TIMM23B: variants seen among roughly 807,000 people sequenced by gnomAD.
The protein encoded by TIMM23B is mitochondrial import inner membrane translocase subunit Tim23B.
TIMM23B carries 27 observed loss-of-function variants against 27.3 expected under a neutral mutation model. The observed-to-expected ratio is 0.99, with a 90% CI of 0.73 to 1.36. The LOEUF (loss-of-function observed/expected upper bound fraction) is 1.36, where lower values mean the gene tolerates loss of function less well. Among genes scored for constraint, TIMM23B ranks in the 40% most tolerant of loss-of-function variants. The pLI is 0.00. For missense variants in TIMM23B, 205 were observed against 244.2 expected (o/e 0.84, Z 1.07); for synonymous variants, 73 against 92.4 (o/e 0.79, Z 1.21).
At chr10:49,964,123 A>T (rs1156822835) in intron 6 of TIMM23B, among the ~76,000 whole-genome samples, 2 of 151,720 alleles carry the variant, frequency 1.3e-5, no homozygotes, top group South Asian at 2.1e-4. Flanking sequence ...GAAATGAAGA[A>T]ATATGAAATG....
Position 49,952,462 on chromosome 10 carries a change from G to T in TIMM23B, c.273G>T (p.Gly91=). The T allele has an allele frequency of 2.5e-6, 4 of 1,613,290 alleles. No homozygotes were observed. The highest frequency in any genetic ancestry group is 2.5e-6 in the Non-Finnish European group (3 of 1,179,512). ...ATGATTTACCAGGGGCTGCGTTTGG[G>T]GCAATGAATGGTCTTCGGCTAGGAT... The part of the protein sequence containing the change: ...GGCCMTGAAF[G]AMNGLRLGLK... Residue 91 remains glycine (G), a synonymous_variant, in exon 4 of 7, where the codon GGG becomes GGT. Transcript: ENST00000651259.
At chr10:49,948,570 A>C (rs1260250969) in intron 2 of TIMM23B, among the ~76,000 whole-genome samples, 4 of 152,244 alleles carry the variant, frequency 2.6e-5, no homozygotes, top group Non-Finnish European at 4.4e-5. Context: ...CTACAATATA[A>C]ATGAACCTTT....
At chr10:49,954,425 C>T (rs1839644841) in intron 4 of TIMM23B, 1 of 281,596 alleles carries the variant, frequency 3.6e-6, no homozygotes, top group African/African-American at 2.2e-5. Context: ...GGGTGCTTTC[C>T]CCATGTATTC....
chr10:49,946,543 A>G (rs1433741356), intron 2 of TIMM23B, among the ~76,000 whole-genome samples: 1 of 152,214 alleles, frequency 6.6e-6, no homozygotes, highest in Non-Finnish European at 1.5e-5. Context: ...ATATTTCTAG[A>G]CAGTTGCAAT....
chr10:49,959,247 A>G (rs1178292636), intron 6 of TIMM23B, among the ~76,000 whole-genome samples: 3 of 152,174 alleles, frequency 2.0e-5, no homozygotes, highest in Admixed American at 2.0e-4. Context: ...TAAGCAATAG[A>G]ATATTCAGAA....
At chr10:49,957,057 C>T (rs1183958569) in intron 5 of TIMM23B, among the ~76,000 whole-genome samples, 2 of 150,438 alleles carry the variant, frequency 1.3e-5, no homozygotes, top group African/African-American at 4.8e-5. Context: ...AGGTTGAGCA[C>T]TCTGTCCCAC....
At chr10:49,961,818 C>T (rs1425611060) in intron 6 of TIMM23B, among the ~76,000 whole-genome samples, 2 of 148,964 alleles carry the variant, frequency 1.3e-5, no homozygotes, top group African/African-American at 5.0e-5. Flanking sequence ...GCTATGTTAC[C>T]CAGGCTGGCC....
chr10:49,960,492 C>T (rs1173295420), intron 6 of TIMM23B, among the ~76,000 whole-genome samples: 116 of 152,142 alleles, frequency 7.6e-4, no homozygotes, highest in Middle Eastern at 3.4e-3. Flanking sequence ...GTACAAAATA[C>T]GCTTAAAGTA....
chr10:49,954,441 A>G, intron 4 of TIMM23B: 1 of 235,694 alleles, frequency 4.2e-6, no homozygotes, highest in Non-Finnish European at 8.7e-6. Flanking sequence ...TATTCTAGTT[A>G]GATGGCTGAT....
intron 6 of TIMM23B, among the ~76,000 whole-genome samples, chr10:49,961,037 G>A (rs2133084793): frequency 6.6e-6 from 1 of 152,134 alleles, no homozygotes; most frequent in African/African-American, 2.4e-5. Flanking sequence ...AGTCAAAATG[G>A]TCCAGGAAAA....
intron 2 of TIMM23B, among the ~76,000 whole-genome samples, chr10:49,946,562 CAAAAATGAAATTACA>C (rs1198323268): frequency 1.1e-4 from 17 of 151,730 alleles, no homozygotes; most frequent in Non-Finnish European, 1.6e-4. Context: ...ATGAACACTA[CAAAAATGAAATTACA>C]AAAAACAGTT....
chr10:49,966,420 CAATGAAATGAAGA>C (rs1840163709), intron 6 of TIMM23B, among the ~76,000 whole-genome samples: 2 of 142,260 alleles, frequency 1.4e-5, no homozygotes, highest in Non-Finnish European at 3.1e-5. Flanking sequence ...ATGCTGGGTG[CAATGAAATGAAGA>C]AATGAAATAA....
intron 3 of TIMM23B, 42 bp from the exon 4 acceptor site, chr10:49,952,407 T>C: frequency 5.6e-6 from 9 of 1,595,920 alleles, no homozygotes; most frequent in Non-Finnish European, 7.7e-6. Context: ...TTTTTTTTAA[T>C]ATAAAGCTGT....
intron 4 of TIMM23B, among the ~76,000 whole-genome samples, chr10:49,953,851 A>G (rs1277750941): frequency 1.1e-3 from 163 of 152,254 alleles, no homozygotes; most frequent in African/African-American, 3.9e-3. Flanking sequence ...ACAACCATCA[A>G]CCATGGCCAG....
intron 2 of TIMM23B, among the ~76,000 whole-genome samples, chr10:49,951,816 C>G (rs1839538548): frequency 6.6e-6 from 1 of 152,200 alleles, no homozygotes; most frequent in Non-Finnish European, 1.5e-5. Context: ...TTCTGTTCTT[C>G]TCATAGCTTT....
intron 6 of TIMM23B, among the ~76,000 whole-genome samples, chr10:49,961,919 A>G (rs1192188474): frequency 2.0e-5 from 3 of 149,760 alleles, no homozygotes; most frequent in African/African-American, 7.4e-5. Context: ...TTGACTCCCC[A>G]TAGTACTGTG....
chr10:49,952,883 G>GA (rs1375227383), intron 4 of TIMM23B, among the ~76,000 whole-genome samples: 1 of 151,738 alleles, frequency 6.6e-6, no homozygotes, highest in East Asian at 1.9e-4. Context: ...AGATCCATAG[G>GA]AAATGGTAAT....
intron 4 of TIMM23B, among the ~76,000 whole-genome samples, chr10:49,953,329 A>G (rs1381717949): frequency 3.3e-5 from 5 of 152,128 alleles, no homozygotes; most frequent in Non-Finnish European, 7.4e-5. Flanking sequence ...GACCATGGGA[A>G]ACTGGAAGGC....
chr10:49,955,876 C>CT (rs1326398540), intron 5 of TIMM23B, among the ~76,000 whole-genome samples: 1 of 152,172 alleles, frequency 6.6e-6, no homozygotes, highest in Non-Finnish European at 1.5e-5. Context: ...GAGATGGCTG[C>CT]TTTCATATGT....
Sources: allele counts gnomAD v4.1 joint callset (sites outside exome capture counted in the v4.1 genomes callset), GRCh38; gene constraint gnomAD v4.1.1; transcripts MANE v1.5; gene names NCBI Gene and HGNC (gene_info 2026-07-23, HGNC 2026-07-21).